Variants in ADGRL2 observed in about 807,000 individuals in gnomAD.
The protein encoded by ADGRL2 is adhesion G protein-coupled receptor L2.
In ADGRL2, 44 loss-of-function variants were observed where a neutral mutation model predicts 157.4. The ratio of observed to expected loss-of-function variants is 0.28; its 90% CI spans 0.22 to 0.36. ADGRL2 has a LOEUF of 0.36. ADGRL2 is among the 10% of genes least tolerant of loss of function. The pLI is 1.00. For synonymous variants in ADGRL2, 585 were observed against 624.7 expected, an observed-to-expected ratio of 0.94 and a Z score of 0.95; for missense variants, 1,510 against 1,768.9, an observed-to-expected ratio of 0.85 and a Z score of 2.63.
rs540795885 is a variant in ADGRL2 at position 81,638,806 on chromosome 1, C to A, written c.-143+57826C>A. ...CAGAACAAGGGCAGCAAGTAGAAAA[C>A]TAACCTGAGCACATAGCGAAACTCC... On this transcript the variant is annotated intron_variant, in intron 3 of 24. Transcript: ENST00000370721. Among the ~76,000 whole-genome samples the A allele has an allele frequency of 3.3e-5, 5 of 152,242 alleles. No individual in the cohort carries two copies. In the East Asian group the frequency reaches 9.7e-4, roughly 29 times the overall value.
intron 1 of ADGRL2, among the ~76,000 whole-genome samples, chr1:81,743,487 G>C (rs2085143431): frequency 6.7e-6 from 1 of 148,414 alleles, no homozygotes; most frequent in Admixed American, 6.9e-5. Flanking sequence ...ATTGTTTAAA[G>C]AGAGGAAAGA....
At chr1:81,842,461 G>A (rs1489365884) in intron 2 of ADGRL2, among the ~76,000 whole-genome samples, 1 of 148,600 alleles carries the variant, frequency 6.7e-6, no homozygotes, top group Non-Finnish European at 1.5e-5. Context: ...GGGTTCAAGG[G>A]ATTCTCCTGC....
intron 1 of ADGRL2, among the ~76,000 whole-genome samples, chr1:81,380,142 C>CT (rs1405938403): frequency 2.0e-5 from 3 of 152,032 alleles, no homozygotes; most frequent in Non-Finnish European, 2.9e-5. Context: ...GCTACAAACT[C>CT]TAACTTTTTT....
intron 1 of ADGRL2, among the ~76,000 whole-genome samples, chr1:81,432,467 T>C (rs1198583292): frequency 6.6e-6 from 1 of 152,230 alleles, no homozygotes; most frequent in Non-Finnish European, 1.5e-5. Flanking sequence ...TCTGTAATTA[T>C]GTTGATTTTT....
At chr1:81,536,565 T>C (rs1195396603) in intron 2 of ADGRL2, among the ~76,000 whole-genome samples, 1 of 152,220 alleles carries the variant, frequency 6.6e-6, no homozygotes, top group Non-Finnish European at 1.5e-5. Flanking sequence ...AGAATTTGCT[T>C]TGACTCTCAG....
At chr1:81,338,119 T>C (rs1030434973) in intron 1 of ADGRL2, among the ~76,000 whole-genome samples, 1 of 152,150 alleles carries the variant, frequency 6.6e-6, no homozygotes, top group Non-Finnish European at 1.5e-5. Flanking sequence ...TCCCAGCACG[T>C]TGGGAGGCCT....
chr1:81,849,235 G>T (rs1042789078), intron 2 of ADGRL2, among the ~76,000 whole-genome samples: 4 of 151,906 alleles, frequency 2.6e-5, no homozygotes, highest in Admixed American at 6.6e-5. Context: ...GGATATAGGT[G>T]TGAGTCCATT....
chr1:81,575,490 A>G (rs150764794), intron 2 of ADGRL2, among the ~76,000 whole-genome samples: 1 of 152,290 alleles, frequency 6.6e-6, no homozygotes, highest in Non-Finnish European at 1.5e-5. Flanking sequence ...TGCTACTATC[A>G]CTGAATGATC....
At chr1:81,794,075 C>T (rs1331020718) in intron 2 of ADGRL2, among the ~76,000 whole-genome samples, 1 of 152,066 alleles carries the variant, frequency 6.6e-6, no homozygotes, top group Non-Finnish European at 1.5e-5. Context: ...TACCTCTTAC[C>T]TTGACACGTC....
chr1:81,686,462 T>TG (rs2083230535), intron 3 of ADGRL2, among the ~76,000 whole-genome samples: 1 of 152,182 alleles, frequency 6.6e-6, no homozygotes. Flanking sequence ...TTTTGTATTT[T>TG]GGTGGTGTCA....
At position 81,318,980 on chromosome 1, in the gene ADGRL2, T is replaced by G. The variant is rs145105414; in HGVS notation, c.-302+12471T>G. 9.1e-3 allele frequency among the ~76,000 whole-genome samples: 1,138 copies of G among 124,382 alleles called. 13 individuals carry two copies. The highest frequency in any genetic ancestry group is 0.033 in the African/African-American group (1,080 of 32,372). 81.6% of individuals were successfully genotyped at this position (124,382 alleles called of 152,430 possible). A position where few individuals can be genotyped will look rare whatever the true frequency, so the allele number is the denominator to read the frequency against. On this transcript the variant is annotated intron_variant, in intron 1 of 24. Transcript: ENST00000370721. ...TTTTGAGATGGAGTTTCACTCTTGT[T>G]GCCCAGGCTGGAGTGCAATGGAGCG...
intron 2 of ADGRL2, among the ~76,000 whole-genome samples, chr1:81,573,327 G>T (rs568606769): frequency 2.0e-5 from 3 of 152,054 alleles, no homozygotes; most frequent in South Asian, 2.1e-4. Flanking sequence ...CCCAGGTTAG[G>T]CACCTTCTTT....
At chr1:81,894,774 A>G (rs919360341) in intron 2 of ADGRL2, among the ~76,000 whole-genome samples, 4 of 152,120 alleles carry the variant, frequency 2.6e-5, no homozygotes, top group Admixed American at 2.6e-4. Flanking sequence ...ACTCCAGCAG[A>G]AAAGCATGTC....
chr1:81,554,197 G>A (rs1440147018), intron 2 of ADGRL2, among the ~76,000 whole-genome samples: 1 of 152,156 alleles, frequency 6.6e-6, no homozygotes, highest in Non-Finnish European at 1.5e-5. Flanking sequence ...TTGGTTCCAG[G>A]AGACACTTAC....
In ADGRL2 at chr1:81,807,816, C is replaced by T. The variant is rs560954421; in HGVS notation, c.-101+6748C>T. 2.0e-5 allele frequency among the ~76,000 whole-genome samples: 3 copies of T among 151,438 alleles called. No individual in the cohort carries two copies. In the South Asian group the frequency reaches 6.2e-4, roughly 31 times the overall value. ...TGTGTGTGTGTGTGAGTCACGGTGT[C>T]ATGAGAAAAGGGAGATCCTAATCAA... On this transcript the variant is annotated intron_variant, in intron 1 of 23. Transcript: ENST00000686636.
intron 1 of ADGRL2, chr1:81,735,050 T>C (rs1375542326): frequency 6.8e-6 from 1 of 147,124 alleles, no homozygotes; most frequent in Non-Finnish European, 1.5e-5. Context: ...AAAAAAAAAG[T>C]TAAAAAACAT....
intron 2 of ADGRL2, among the ~76,000 whole-genome samples, chr1:81,544,072 T>C (rs2079954763): frequency 6.6e-6 from 1 of 152,130 alleles, no homozygotes; most frequent in Non-Finnish European, 1.5e-5. Context: ...GATGCTAACC[T>C]CTACCCGAAC....
intron 3 of ADGRL2, among the ~76,000 whole-genome samples, chr1:81,686,613 G>C (rs576107075): frequency 2.6e-5 from 4 of 151,648 alleles, no homozygotes; most frequent in African/African-American, 4.8e-5. Flanking sequence ...GGTATTTTTT[G>C]TTTGTTTGTT....
chr1:81,686,063 A>G (rs1305909216), intron 3 of ADGRL2, among the ~76,000 whole-genome samples: 1 of 152,068 alleles, frequency 6.6e-6, no homozygotes, highest in Non-Finnish European at 1.5e-5. Flanking sequence ...GATTTTAGCA[A>G]CTATGTTCAT....
Sources: gnomAD v4.1 joint callset for allele counts (sites outside exome capture counted in the v4.1 genomes callset) on GRCh38, gnomAD v4.1.1 for gene constraint, MANE v1.5 for transcripts, NCBI Gene and HGNC (gene_info 2026-07-23, HGNC 2026-07-21) for gene names.